The following POU6F1 variants were observed in gnomAD, a reference collection of about 807,000 sequenced individuals.
The protein encoded by POU6F1 is POU domain, class 6, transcription factor 1.
Under a neutral mutation model 28.9 loss-of-function variants are expected in POU6F1, and 9 were observed. The ratio of observed to expected loss-of-function variants is 0.31; its 90% confidence interval spans 0.19 to 0.54. POU6F1 has a LOEUF of 0.54. Ranked by LOEUF, POU6F1 falls within the 20% of genes least tolerant of loss-of-function variation. The pLI, the probability that POU6F1 is intolerant of heterozygous loss-of-function variation, is 0.94. For synonymous variants in POU6F1, 173 were observed against 171.1 expected (o/e 1.01, Z -0.09); for missense variants, 338 against 426.1 (o/e 0.79, Z 1.82).
intron 10 of POU6F1, among the ~76,000 whole-genome samples, chr12:51,191,048 C>G (rs548093554): frequency 6.6e-6 from 1 of 152,302 alleles, no homozygotes; most frequent in South Asian, 2.1e-4. Flanking sequence ...AAAGGTCACT[C>G]TAGCCTGACC....
At chr12:51,203,123 G>C (rs1443568661) in intron 3 of POU6F1, among the ~76,000 whole-genome samples, 1 of 152,078 alleles carries the variant, frequency 6.6e-6, no homozygotes, top group African/African-American at 2.4e-5. Flanking sequence ...CAAACCCCTG[G>C]AAGAAGATGC....
At chr12:51,214,138 T>C (rs1222984471) in intron 1 of POU6F1, among the ~76,000 whole-genome samples, 1 of 149,276 alleles carries the variant, frequency 6.7e-6, no homozygotes, top group South Asian at 2.1e-4. Flanking sequence ...TGAGACTCTA[T>C]GTCAAAAAAA....
In POU6F1 at chr12:51,204,829, C is replaced by G. The variant is rs7298195; in HGVS notation, c.49-461G>C. Among the ~76,000 whole-genome samples the G allele has an allele frequency of 3.7e-3, 568 of 152,220 alleles. 2 individuals carry two copies. The highest frequency in any genetic ancestry group is 0.013 in the African/African-American group (521 of 41,530). On this transcript the variant is annotated intron_variant, in intron 2 of 10. Transcript: ENST00000333640. ...AATCCCTCTTCACTTCCCTTGAAAC[C>G]ATCTGAAAGTTCCCCAAAGATAAAG... is the stretch of plus-strand genomic sequence containing the variant.
chr12:51,201,598 A>T (rs1943213893), intron 3 of POU6F1: 1 of 152,176 alleles, frequency 6.6e-6, no homozygotes, highest in Non-Finnish European at 1.5e-5. Context: ...TTTTAAAAAC[A>T]TTTTGTTGGA....
chr12:51,195,345 C>T (rs779481708), intron 8 of POU6F1, among the ~76,000 whole-genome samples: 2 of 152,130 alleles, frequency 1.3e-5, no homozygotes, highest in Non-Finnish European at 2.9e-5. Flanking sequence ...GAAGTCTTGC[C>T]TAACCCCCAA....
At chr12:51,206,541 T>A (rs899283296) in intron 2 of POU6F1, among the ~76,000 whole-genome samples, 1 of 151,896 alleles carries the variant, frequency 6.6e-6, no homozygotes, top group South Asian at 2.1e-4. Flanking sequence ...AATTACCTGA[T>A]GTTCAAACCT....
chr12:51,191,723 C>G lies in POU6F1; in HGVS notation c.1363G>C (p.Glu455Gln). The change falls in exon 10 of 11, where the codon GAA becomes CAA. Residue 455 changes from glutamate to glutamine, a missense_variant. Transcript: ENST00000333640. ...TTCTTGGCAAACTCCCGGATCTCTT[C>G]TAAGTTGATCCCATCCTCATCCAGA... ...PSLDEDGINLEEIREFAKNFK... is the reference protein window; with the variant it reads ...PSLDEDGINLQEIREFAKNFK... 6.2e-7 allele frequency: 1 copy of G among 1,614,230 alleles called. No individual in the cohort carries two copies. The highest frequency in any genetic ancestry group is 8.5e-7 in the Non-Finnish European group (1 of 1,180,038).
intron 1 of POU6F1, among the ~76,000 whole-genome samples, chr12:51,209,963 T>A (rs776677170): frequency 6.6e-6 from 1 of 152,136 alleles, no homozygotes; most frequent in Non-Finnish European, 1.5e-5. Context: ...CCCTCAGATT[T>A]TTTTTTTGTT....
At chr12:51,194,415 CTGATCACT>C (rs542059859) in intron 8 of POU6F1, among the ~76,000 whole-genome samples, 19 of 152,194 alleles carry the variant, frequency 1.2e-4, no homozygotes, top group African/African-American at 3.9e-4. Flanking sequence ...CTGAGGTGGG[CTGATCACT>C]TGAGTTCAGG....
chr12:51,194,047 G>A (rs1423081277), intron 8 of POU6F1, among the ~76,000 whole-genome samples: 1 of 151,652 alleles, frequency 6.6e-6, no homozygotes, highest in Non-Finnish European at 1.5e-5. Context: ...TTTTTTTTGA[G>A]ACGGAGTCTC....
At chr12:51,205,034 CTTTT>C (rs767521766) in intron 2 of POU6F1, among the ~76,000 whole-genome samples, 5 of 113,650 alleles carry the variant, frequency 4.4e-5, no homozygotes, top group Non-Finnish European at 9.1e-5. Flanking sequence ...TGGACTGCAG[CTTTT>C]TTTTTTTTTT....
intron 9 of POU6F1, 140 bp from the exon 10 acceptor site, chr12:51,191,904 C>T (rs1201955303): frequency 1.9e-5 from 20 of 1,053,778 alleles, no homozygotes; most frequent in Non-Finnish European, 2.7e-5. Flanking sequence ...AGACTCTTAT[C>T]ACCTTTGTCC....
Position 51,190,618 on chromosome 12 carries a change from A to G in POU6F1, c.1491-26T>C, listed in dbSNP as rs757395822. 5 of 1,604,894 alleles carry G rather than the reference A, an allele frequency of 3.1e-6. No individual in the cohort carries two copies. Among genetic ancestry groups the G allele is most frequent in the Non-Finnish European group, 4.3e-6 (5 of 1,174,978 alleles). Reference sequence around the variant, plus strand: ...CTGTGGGCAACCCATACCCAGGAAGAGGCAGTGAGAGCATGTTGGTCTCTT... The same window carrying G: ...CTGTGGGCAACCCATACCCAGGAAGGGGCAGTGAGAGCATGTTGGTCTCTT... On this transcript the variant is annotated intron_variant, in intron 10 of 10. Transcript: ENST00000333640. The surrounding 1 kb of genome is among the most constrained non-coding windows in gnomAD (Gnocchi z 4.5).
intron 5 of POU6F1, 70 bp from the exon 6 acceptor site, chr12:51,198,093 G>A (rs1409831515): frequency 2.5e-6 from 1 of 398,696 alleles, no homozygotes; most frequent in African/African-American, 2.1e-5. Flanking sequence ...CAATCCCAAG[G>A]GATCTGGCAC....
At chr12:51,213,783 C>T (rs1038999786) in intron 1 of POU6F1, among the ~76,000 whole-genome samples, 4 of 151,282 alleles carry the variant, frequency 2.6e-5, no homozygotes, top group South Asian at 2.1e-4. Context: ...CTGCCCACCT[C>T]GGCCTCCCAA....
At chr12:51,215,555 CAAAAAAAAA>C (rs11415220) in intron 1 of POU6F1, among the ~76,000 whole-genome samples, 23 of 88,578 alleles carry the variant, frequency 2.6e-4, no homozygotes, top group African/African-American at 9.1e-4. Context: ...AACCCTGTCT[CAAAAAAAAA>C]AAAAAAAAAA....
intron 3 of POU6F1, among the ~76,000 whole-genome samples, chr12:51,200,140 A>T (rs2137147962): frequency 6.6e-6 from 1 of 152,270 alleles, no homozygotes; most frequent in Middle Eastern, 3.4e-3. Flanking sequence ...TGAAGAAGAT[A>T]CCCAGGTGAG....
Position 51,214,074 on chromosome 12 carries a change from G to A in POU6F1, c.-48+3568C>T, listed in dbSNP as rs191308295. 1.6e-4 allele frequency among the ~76,000 whole-genome samples: 24 copies of A among 151,916 alleles called. 1 individual carries two copies. The highest frequency in any genetic ancestry group is 9.8e-4 in the Admixed American group (15 of 15,262). On this transcript the variant is annotated intron_variant, in intron 1 of 10. Coordinates refer to ENST00000333640, the MANE Select transcript of POU6F1 (RefSeq NM_001330422.2). ...AGGAGAATCGCTTGAACCGGGAGGC[G>A]GAGGTTGCAGTGAGCCGAGATCATG...
At chr12:51,211,513 G>C (rs1332966081) in intron 1 of POU6F1, among the ~76,000 whole-genome samples, 3 of 152,180 alleles carry the variant, frequency 2.0e-5, no homozygotes, top group Non-Finnish European at 2.9e-5. Context: ...GAGGCTGAAG[G>C]GGGAGGATTG....
Sources: allele counts gnomAD v4.1 joint callset (sites outside exome capture counted in the v4.1 genomes callset), GRCh38; gene constraint gnomAD v4.1.1; non-coding constraint Gnocchi (gnomAD v3.1); transcripts MANE v1.5; gene names NCBI Gene and HGNC (gene_info 2026-07-23, HGNC 2026-07-21).